The following RGS17 variants were observed in gnomAD, a reference collection of about 807,000 sequenced individuals.
RGS17 encodes the protein regulator of G protein signaling 17, also known as regulator of G-protein signaling 17.
Under a neutral mutation model 25.5 loss-of-function variants are expected in RGS17, and 12 were observed. The ratio of observed to expected loss-of-function variants is 0.47; its 90% confidence interval spans 0.30 to 0.76. The LOEUF is 0.76. RGS17 is among the 30% of genes least tolerant of loss of function. The pLI is 0.07. For synonymous variants in RGS17, 71 were observed against 76.9 expected (o/e 0.92, Z 0.40); for missense variants, 196 against 242.2 (o/e 0.81, Z 1.27).
chr6:153,073,063 G>A (rs1227541971), intron 1 of RGS17, among the ~76,000 whole-genome samples: 3 of 152,168 alleles, frequency 2.0e-5, no homozygotes, highest in African/African-American at 7.2e-5. Flanking sequence ...TTTCCATCTC[G>A]ATGACATAAC....
intron 1 of RGS17, among the ~76,000 whole-genome samples, chr6:153,050,721 A>C (rs1776451304): frequency 6.6e-6 from 1 of 152,238 alleles, no homozygotes; most frequent in Non-Finnish European, 1.5e-5. Flanking sequence ...ATGTTTATAC[A>C]CTGGAGAAAC....
chr6:153,104,007 T>C (rs1777343710), intron 1 of RGS17, among the ~76,000 whole-genome samples: 1 of 152,232 alleles, frequency 6.6e-6, no homozygotes, highest in African/African-American at 2.4e-5. Flanking sequence ...GTGAAAAATA[T>C]GTATCTTAGA....
intron 1 of RGS17, among the ~76,000 whole-genome samples, chr6:153,109,404 G>C (rs1777434146): frequency 6.6e-6 from 1 of 152,042 alleles, no homozygotes; most frequent in African/African-American, 2.4e-5. Context: ...ATTGCACACA[G>C]GCAACATTCA....
intron 1 of RGS17, among the ~76,000 whole-genome samples, chr6:153,071,793 T>C (rs1345086096): frequency 6.6e-6 from 1 of 152,190 alleles, no homozygotes; most frequent in Non-Finnish European, 1.5e-5. Context: ...GAACTAGCAT[T>C]GTTAGGGATA....
intron 1 of RGS17, among the ~76,000 whole-genome samples, chr6:153,091,792 C>G (rs1050845959): frequency 3.9e-5 from 6 of 152,012 alleles, no homozygotes; most frequent in African/African-American, 1.2e-4. Context: ...GGATTACAGG[C>G]AGGAGCCACC....
rs191448111 is a variant in RGS17, at chr6:153,101,312, T to C, written c.-26+29812A>G. On this transcript the variant is annotated intron_variant, in intron 1 of 4. Coordinates refer to ENST00000206262, the MANE Select transcript of RGS17 (RefSeq NM_012419.5). ...AGTATTCACAGGATGCAAAACTGCA[T>C]AGTATAAGAAGCACTGACTTTTCCC... Among the ~76,000 whole-genome samples the C allele has an allele frequency of 8.9e-4, 135 of 152,274 alleles. No individual in the cohort carries two copies. The East Asian group carries it at 0.024, about 27-fold the overall frequency.
intron 1 of RGS17, among the ~76,000 whole-genome samples, chr6:153,077,369 T>G (rs1776898727): frequency 6.6e-6 from 1 of 152,208 alleles, no homozygotes; most frequent in East Asian, 1.9e-4. Context: ...TATATAATAG[T>G]TGGGACAATT....
At chr6:153,025,854 C>T (rs1779295753) in intron 3 of RGS17, among the ~76,000 whole-genome samples, 1 of 151,606 alleles carries the variant, frequency 6.6e-6, no homozygotes, top group African/African-American at 2.4e-5. Flanking sequence ...TCTGCACTTC[C>T]TCATTCACTT....
intron 4 of RGS17, among the ~76,000 whole-genome samples, chr6:153,018,083 CA>C (rs1448034595): frequency 6.6e-6 from 1 of 151,862 alleles, no homozygotes; most frequent in Non-Finnish European, 1.5e-5. Flanking sequence ...TCTCTTAGAA[CA>C]AAGATTATTG....
intron 1 of RGS17, among the ~76,000 whole-genome samples, chr6:153,097,298 T>A (rs1777230139): frequency 1.3e-5 from 1 of 74,098 alleles, no homozygotes; most frequent in African/African-American, 5.2e-5. Flanking sequence ...TGATTTTTTT[T>A]TTTTTTTTTT....
At position 153,004,770 on chromosome 6, in the gene RGS17, A is replaced by C. The variant is rs947086240; in HGVS notation, c.*6804T>G. 2 of 152,186 alleles carry C rather than the reference A, an allele frequency of 1.3e-5. No homozygotes were observed. Among genetic ancestry groups the C allele is most frequent in the Non-Finnish European group, 2.9e-5 (2 of 67,998 alleles). The allele number at this position is 152,186 out of a possible 1,614,324, so 9.4% of individuals were successfully genotyped here. A position where few individuals can be genotyped will look rare whatever the true frequency, so the allele number is the denominator to read the frequency against. ...CCCAGAAAAACTTAAATTGGAGGAAACATAATCTGGATTATCTATTCAATT... is the reference window on the plus strand; with the variant it reads ...CCCAGAAAAACTTAAATTGGAGGAACCATAATCTGGATTATCTATTCAATT... On this transcript the variant is annotated 3_prime_UTR_variant, in exon 5 of 5. Transcript: ENST00000206262.
intron 1 of RGS17, among the ~76,000 whole-genome samples, chr6:153,097,922 GT>G (rs957168501): frequency 2.6e-5 from 4 of 152,074 alleles, no homozygotes; most frequent in African/African-American, 9.7e-5. Flanking sequence ...GCAAATGACA[GT>G]TTTTCACCCC....
chr6:153,014,561 G>A (rs1290780672), intron 4 of RGS17, among the ~76,000 whole-genome samples: 1 of 152,198 alleles, frequency 6.6e-6, no homozygotes, highest in Non-Finnish European at 1.5e-5. Context: ...CACTTTGGGA[G>A]GCTGAAGTGG....
At chr6:153,023,416 G>A (rs775810380) in intron 4 of RGS17, 1 of 501,746 alleles carries the variant, frequency 2.0e-6, no homozygotes, top group Non-Finnish European at 4.0e-6. Flanking sequence ...GTGCTTTGAA[G>A]CCCTCTGGAG....
At chr6:153,029,234 G>C (rs1779335210) in intron 2 of RGS17, among the ~76,000 whole-genome samples, 1 of 152,142 alleles carries the variant, frequency 6.6e-6, no homozygotes, top group South Asian at 2.1e-4. Context: ...ATTGAACTTT[G>C]GCAACAGACA....
intron 1 of RGS17, among the ~76,000 whole-genome samples, chr6:153,076,199 C>A (rs1415198859): frequency 1.3e-5 from 2 of 151,990 alleles, no homozygotes; most frequent in East Asian, 1.9e-4. Flanking sequence ...ACAAGGAAAT[C>A]TTAATTTCAC....
intron 2 of RGS17, among the ~76,000 whole-genome samples, chr6:153,027,722 T>C (rs1220518924): frequency 6.6e-6 from 1 of 152,154 alleles, no homozygotes. Flanking sequence ...AAATAGGTGC[T>C]ATAGTTGGAA....
intron 2 of RGS17, among the ~76,000 whole-genome samples, chr6:153,030,330 G>T (rs1441516730): frequency 1.3e-5 from 2 of 152,172 alleles, no homozygotes; most frequent in Non-Finnish European, 2.9e-5. Context: ...CTCTTCTATT[G>T]TAAGGAAAAC....
At chr6:153,061,749 T>C (rs1776641485) in intron 1 of RGS17, among the ~76,000 whole-genome samples, 1 of 152,302 alleles carries the variant, frequency 6.6e-6, no homozygotes, top group South Asian at 2.1e-4. Context: ...CCCATTTATG[T>C]TTGTGTTTAA....
Sources: allele counts gnomAD v4.1 joint callset (sites outside exome capture counted in the v4.1 genomes callset), GRCh38; gene constraint gnomAD v4.1.1; transcripts MANE v1.5; gene names NCBI Gene and HGNC (gene_info 2026-07-23, HGNC 2026-07-21).